The following APBB2 variants were observed in gnomAD, a reference collection of about 807,000 sequenced individuals.
APBB2 encodes Fe65-like 1.
In APBB2, 38 loss-of-function variants were observed where a neutral mutation model predicts 82.5. The ratio of observed to expected loss-of-function variants is 0.46; its 90% CI spans 0.36 to 0.60. The LOEUF (loss-of-function observed/expected upper bound fraction) is 0.60, where lower values mean the gene tolerates loss of function less well. Among genes scored for constraint, APBB2 ranks in the 20% least tolerant of loss-of-function variants. The pLI is 0.00. For synonymous variants in APBB2, 341 were observed against 368.2 expected, an observed-to-expected ratio of 0.93 and a Z score of 0.85; for missense variants, 772 against 972.3, an observed-to-expected ratio of 0.79 and a Z score of 2.74.
chr4:40,935,524 T>A (rs1785174079), intron 7 of APBB2: 1 of 165,450 alleles, frequency 6.0e-6, no homozygotes, highest in Non-Finnish European at 1.3e-5. Flanking sequence ...TTTCTGGTGG[T>A]GGGGGTGGAA....
At chr4:40,906,153 T>C (rs1306091775) in intron 10 of APBB2, among the ~76,000 whole-genome samples, 4 of 152,122 alleles carry the variant, frequency 2.6e-5, no homozygotes, top group Non-Finnish European at 5.9e-5. Flanking sequence ...TAAGTATTCA[T>C]TGTTAACTTA....
intron 6 of APBB2, among the ~76,000 whole-genome samples, chr4:40,968,006 G>A (rs77017187): frequency 0.014 from 2,156 of 152,346 alleles, 58 homozygotes; most frequent in African/African-American, 0.049. Flanking sequence ...AGCATAAAAA[G>A]TGCCAAACAC....
intron 10 of APBB2, among the ~76,000 whole-genome samples, chr4:40,929,695 G>A (rs11733857): frequency 0.47 from 71,631 of 152,004 alleles, 16,986 homozygotes; most frequent in South Asian, 0.61. Context: ...GAACTGATAC[G>A]TGGACAAAGA....
Position 41,100,697 on chromosome 4 carries a change from T to A in APBB2, c.-207A>T, listed in dbSNP as rs1269389976. 5.9e-5 allele frequency: 9 copies of A among 152,092 alleles called. No individual in the cohort carries two copies. The highest frequency in any genetic ancestry group is 2.2e-4 in the African/African-American group (9 of 41,428). The allele number at this position is 152,092 out of a possible 1,614,324, so 9.4% of individuals were successfully genotyped here. On this transcript the variant is annotated 5_prime_UTR_variant, in exon 3 of 18. Transcript: ENST00000508593. Reference sequence around the variant, plus strand: ...CAAGCTCCTTTTTTTCCCCACAAAGTCTGTTAATTAATAGCAAGCACCCAA... The same window carrying A: ...CAAGCTCCTTTTTTTCCCCACAAAGACTGTTAATTAATAGCAAGCACCCAA...
chr4:41,184,103 G>A (rs762830425), intron 1 of APBB2, among the ~76,000 whole-genome samples: 7 of 151,896 alleles, frequency 4.6e-5, no homozygotes, highest in Admixed American at 6.6e-5. Context: ...AATAGGATTC[G>A]TGCTCCTTAG....
At chr4:40,957,142 G>A (rs868255171) in intron 6 of APBB2, among the ~76,000 whole-genome samples, 20 of 152,246 alleles carry the variant, frequency 1.3e-4, no homozygotes, top group African/African-American at 4.1e-4. Flanking sequence ...GCGCAAAGCC[G>A]GGCACATAGT....
At chr4:40,880,805 C>T (rs1244955137) in intron 12 of APBB2, 1 of 985,294 alleles carries the variant, frequency 1.0e-6, no homozygotes, top group African/African-American at 1.7e-5. Flanking sequence ...GCCTCAAGCC[C>T]CCACACGTCA....
intron 4 of APBB2, among the ~76,000 whole-genome samples, chr4:41,052,773 C>CTT (rs72004025): frequency 0.043 from 5,197 of 121,984 alleles, 161 homozygotes; most frequent in East Asian, 0.12. Flanking sequence ...TTTCTTTCTT[C>CTT]TTTTTTTTTT....
chr4:41,181,670 G>T (rs1771392219), intron 1 of APBB2, among the ~76,000 whole-genome samples: 1 of 152,150 alleles, frequency 6.6e-6, no homozygotes, highest in Non-Finnish European at 1.5e-5. Flanking sequence ...GCATGGCCGG[G>T]CACAGTGGCT....
chr4:40,896,192 G>A (rs1289078740), intron 10 of APBB2, among the ~76,000 whole-genome samples: 1 of 152,102 alleles, frequency 6.6e-6, no homozygotes. Flanking sequence ...AGCCTCCCAA[G>A]TAGCTGGGAT....
chr4:40,820,665 CAATA>C lies in APBB2; in HGVS notation c.2112+1202_2112+1205del, dbSNP rs140718176. Among the ~76,000 whole-genome samples the C allele has an allele frequency of 1.2e-4, 18 of 151,950 alleles. No homozygotes were observed. The East Asian group carries it at 2.3e-3, about 20-fold the overall frequency. On this transcript the variant is annotated intron_variant, in intron 17 of 17. Coordinates refer to ENST00000508593, the MANE Select transcript of APBB2 (RefSeq NM_004307.2). ...GGGCAACAAAAGCAAAACTTCATCT[CAATA>C]AATAAATAAATAAATAATCTAAATA...
At chr4:41,117,353 C>T (rs1167274795) in intron 2 of APBB2, among the ~76,000 whole-genome samples, 2 of 148,104 alleles carry the variant, frequency 1.4e-5, no homozygotes, top group Admixed American at 6.8e-5. Context: ...AGTGCAGTGG[C>T]GCAATCTCAG....
At chr4:41,136,938 T>C (rs1580331043) in intron 2 of APBB2, among the ~76,000 whole-genome samples, 1 of 152,238 alleles carries the variant, frequency 6.6e-6, no homozygotes, top group African/African-American at 2.4e-5. Flanking sequence ...TATGCATCCA[T>C]AACGCAGTTG....
intron 1 of APBB2, among the ~76,000 whole-genome samples, chr4:41,178,000 A>G (rs1226186094): frequency 6.6e-6 from 1 of 152,210 alleles, no homozygotes; most frequent in Non-Finnish European, 1.5e-5. Flanking sequence ...CTCAACCTGT[A>G]TATATGAAGC....
chr4:40,875,257 T>TA (rs1175304709), intron 12 of APBB2, among the ~76,000 whole-genome samples: 2 of 152,156 alleles, frequency 1.3e-5, no homozygotes, highest in Non-Finnish European at 2.9e-5. Context: ...GACAAACAGG[T>TA]ATAAGAAGTA....
intron 11 of APBB2, among the ~76,000 whole-genome samples, chr4:40,891,726 A>G (rs1772067926): frequency 6.6e-6 from 1 of 152,164 alleles, no homozygotes; most frequent in Non-Finnish European, 1.5e-5. Context: ...CTGGCAGAAA[A>G]CAGAACTTGT....
Position 41,213,716 on chromosome 4 carries a change from T to C in APBB2, c.-417+689A>G, listed in dbSNP as rs1456843086. 5.9e-5 allele frequency among the ~76,000 whole-genome samples: 9 copies of C among 152,160 alleles called. 1 individual carries two copies. The highest frequency in any genetic ancestry group is 2.0e-4 in the Admixed American group (3 of 15,280). On this transcript the variant is annotated intron_variant, in intron 1 of 17. Coordinates refer to ENST00000508593, the MANE Select transcript of APBB2 (RefSeq NM_004307.2). ...TCCGCCCGGTGGGCAGCGCAGGGGCTTTCGGGTCCCAGTGGCCAGTTTCCT... is the reference window on the plus strand; with the variant it reads ...TCCGCCCGGTGGGCAGCGCAGGGGCCTTCGGGTCCCAGTGGCCAGTTTCCT...
At chr4:41,196,268 A>G in intron 1 of APBB2, among the ~76,000 whole-genome samples, 1 of 152,132 alleles carries the variant, frequency 6.6e-6, no homozygotes, top group African/African-American at 2.4e-5. Flanking sequence ...ATTACGTACT[A>G]TGGTTAGTTA....
chr4:40,875,163 A>G (rs1766568700), intron 12 of APBB2, among the ~76,000 whole-genome samples: 1 of 152,216 alleles, frequency 6.6e-6, no homozygotes, highest in Admixed American at 6.5e-5. Flanking sequence ...GGAACATGTC[A>G]TGTCTTTTTA....
Sources: allele counts gnomAD v4.1 joint callset (sites outside exome capture counted in the v4.1 genomes callset), GRCh38; gene constraint gnomAD v4.1.1; transcripts MANE v1.5; gene names NCBI Gene and HGNC (gene_info 2026-07-23, HGNC 2026-07-21).